Variants in BAD observed in about 807,000 individuals in gnomAD.
BAD encodes BCL2 associated agonist of cell death, also known as bcl2-associated agonist of cell death.
BAD carries 18 observed loss-of-function variants against 17.8 expected under a neutral mutation model. The observed-to-expected ratio is 1.01, with a 90% confidence interval of 0.70 to 1.50. BAD has a LOEUF of 1.50. BAD is among the 40% of genes most tolerant of loss of function. BAD has a pLI of 0.00. For missense variants in BAD, 294 were observed against 239.3 expected (o/e 1.23, Z -1.51); for synonymous variants, 112 against 91.5 (o/e 1.22, Z -1.28).
At chr11:64,277,325 C>A (rs548065635) in intron 2 of BAD, among the ~76,000 whole-genome samples, 22 of 152,358 alleles carry the variant, frequency 1.4e-4, no homozygotes, top group African/African-American at 5.1e-4. Flanking sequence ...TAGGCCTCAG[C>A]CTTGACTATA....
intron 2 of BAD, among the ~76,000 whole-genome samples, chr11:64,280,869 A>C (rs181635142): frequency 1.7e-4 from 25 of 148,448 alleles, no homozygotes; most frequent in African/African-American, 5.5e-4. Flanking sequence ...GATTTCACCA[A>C]GTTGGCCAGG....
chr11:64,273,079 TA>T (rs2032760758), intron 2 of BAD, among the ~76,000 whole-genome samples: 1 of 152,102 alleles, frequency 6.6e-6, no homozygotes, highest in African/African-American at 2.4e-5. Context: ...AAAAAATTAA[TA>T]AAAGAAGGCC....
chr11:64,284,561 TCA>T (rs2033725586), intron 1 of BAD, 68 bp downstream of exon 1: 1 of 1,495,062 alleles, frequency 6.7e-7, no homozygotes, highest in Non-Finnish European at 8.9e-7. Flanking sequence ...GCTCAGGACC[TCA>T]GTCTCCCCTC....
intron 2 of BAD, among the ~76,000 whole-genome samples, chr11:64,274,392 A>T (rs1444835613): frequency 6.6e-6 from 1 of 151,266 alleles, no homozygotes; most frequent in Non-Finnish European, 1.5e-5. Flanking sequence ...ACCTCGAGAA[A>T]AAAAAAAAAA....
intron 2 of BAD, chr11:64,276,971 G>A: frequency 1.4e-6 from 1 of 740,624 alleles, no homozygotes. Flanking sequence ...CCCTGCTGAT[G>A]CTTCCGCGAG....
intron 2 of BAD, among the ~76,000 whole-genome samples, chr11:64,278,342 G>A (rs559920031): frequency 5.4e-4 from 81 of 150,630 alleles, no homozygotes; most frequent in Admixed American, 7.9e-4. Context: ...CAGCCTGGGC[G>A]ACAGAGTGAG....
At chr11:64,283,713 G>A (rs1046782029) in intron 2 of BAD, among the ~76,000 whole-genome samples, 9 of 152,212 alleles carry the variant, frequency 5.9e-5, no homozygotes, top group African/African-American at 1.9e-4. Context: ...AGGAAGGTGT[G>A]GCCTTAGGCA....
chr11:64,273,217 A>G (rs2032771360), intron 2 of BAD, among the ~76,000 whole-genome samples: 1 of 152,284 alleles, frequency 6.6e-6, no homozygotes, highest in South Asian at 2.1e-4. Flanking sequence ...TACTAAAAAT[A>G]CAAAAATTAG....
At chr11:64,284,131 A>T (rs1211694349) in intron 2 of BAD, 51 bp downstream of exon 2, 2 of 1,514,540 alleles carry the variant, frequency 1.3e-6, no homozygotes, top group South Asian at 2.6e-5. Context: ...GCAGGGAGCC[A>T]GTGGGCTGGG....
chr11:64,277,168 A>C (rs2033131558), intron 2 of BAD: 2 of 596,794 alleles, frequency 3.4e-6, no homozygotes. Flanking sequence ...CCATCAGGCA[A>C]GGGCTGGGTT....
Position 64,274,312 on chromosome 11 carries a change from G to A in BAD, c.188-2509C>T, listed in dbSNP as rs542488745. ...TGAGGCAGGACAATGGCGTGAACCCGGGAGGCGGAGCTTGCAGTGAGCTGA... is the reference window on the plus strand; with the variant it reads ...TGAGGCAGGACAATGGCGTGAACCCAGGAGGCGGAGCTTGCAGTGAGCTGA... On this transcript the variant is annotated intron_variant, in intron 2 of 3. Coordinates refer to ENST00000309032, the MANE Select transcript of BAD (RefSeq NM_032989.3). Among the ~76,000 whole-genome samples, 41 of 152,170 alleles carry A rather than the reference G, an allele frequency of 2.7e-4. 1 individual carries two copies. The highest frequency in any genetic ancestry group is 1.4e-3 in the East Asian group (7 of 5,166).
intron 2 of BAD, among the ~76,000 whole-genome samples, chr11:64,274,891 A>C (rs922452763): frequency 1.3e-4 from 19 of 150,690 alleles, no homozygotes; most frequent in Non-Finnish European, 1.5e-5. Flanking sequence ...AGGTTAAGGC[A>C]CAAGAATCAC....
intron 2 of BAD, among the ~76,000 whole-genome samples, chr11:64,283,592 C>A (rs1209456619): frequency 2.0e-5 from 3 of 152,136 alleles, no homozygotes; most frequent in East Asian, 3.9e-4. Context: ...AGCCACAGGG[C>A]AAGAAAGAAC....
chr11:64,273,855 CAAAAAAAAA>C (rs34577596), intron 2 of BAD, among the ~76,000 whole-genome samples: 30 of 54,820 alleles, frequency 5.5e-4, no homozygotes, highest in South Asian at 2.0e-3. Context: ...GCACCCATCT[CAAAAAAAAA>C]AAAAAAAAAA....
chr11:64,273,299 G>A (rs959948577), intron 2 of BAD, among the ~76,000 whole-genome samples: 8 of 152,220 alleles, frequency 5.3e-5, no homozygotes, highest in African/African-American at 1.7e-4. Context: ...CTTTAACCCA[G>A]TGGGTGGAGG....
intron 2 of BAD, among the ~76,000 whole-genome samples, chr11:64,278,809 C>T (rs1003113635): frequency 2.6e-5 from 4 of 152,234 alleles, no homozygotes; most frequent in African/African-American, 9.7e-5. Context: ...GTGGCAGGGA[C>T]TATGAGGAGT....
chr11:64,284,309 C>T lies in BAD; in HGVS notation c.60G>A (p.Arg20=), dbSNP rs2033694419. 1.9e-6 allele frequency: 3 copies of T among 1,612,454 alleles called. No individual in the cohort carries two copies. The highest frequency in any genetic ancestry group is 2.5e-6 in the Non-Finnish European group (3 of 1,179,942). The change falls in exon 2 of 4, where the codon AGG becomes AGA. Residue 20 remains arginine (R), a synonymous_variant. Coordinates refer to ENST00000309032, the MANE Select transcript of BAD (RefSeq NM_032989.3). ...CCCCTGCGGGGCTGGGGCCCAGGCC[C>T]CTCTCTGCAGAGCTGGAGTCTTCCT... The part of the protein sequence containing the change: ...SEQEDSSSAE[R]GLGPSPAGDG...
chr11:64,284,590 C>CA (rs2033728108), intron 1 of BAD, 41 bp downstream of exon 1: 1 of 1,496,534 alleles, frequency 6.7e-7, no homozygotes, highest in Admixed American at 2.1e-5. Flanking sequence ...CCGGTGGACC[C>CA]AGGCCCCGCC....
At chr11:64,280,119 C>T (rs1354965030) in intron 2 of BAD, among the ~76,000 whole-genome samples, 3 of 151,346 alleles carry the variant, frequency 2.0e-5, no homozygotes, top group South Asian at 2.1e-4. Flanking sequence ...AGATCGAGAC[C>T]ATCCTGGCTA....
Sources: gnomAD v4.1 joint callset for allele counts (sites outside exome capture counted in the v4.1 genomes callset) on GRCh38, gnomAD v4.1.1 for gene constraint, MANE v1.5 for transcripts, NCBI Gene and HGNC (gene_info 2026-07-23, HGNC 2026-07-21) for gene names.